The following FOCAD variants were observed in gnomAD, a reference collection of about 807,000 sequenced individuals.
The protein encoded by FOCAD is KIAA1797.
In FOCAD, 198 loss-of-function variants were observed where a neutral mutation model predicts 225.6. That is an observed-to-expected ratio of 0.88 (90% CI 0.78 to 0.99). The LOEUF is 0.99. Among genes scored for constraint, FOCAD ranks in the 50% least tolerant of loss-of-function variants. FOCAD has a pLI of 0.00. For missense variants in FOCAD, 2,713 were observed against 2,123.6 expected, an observed-to-expected ratio of 1.28 and a Z score of -5.46; for synonymous variants, 897 against 755.0, an observed-to-expected ratio of 1.19 and a Z score of -3.08.
intron 4 of FOCAD, chr9:20,726,380 A>G (rs2131582354): frequency 6.6e-6 from 1 of 152,288 alleles, no homozygotes; most frequent in South Asian, 2.1e-4. Context: ...GTGTCATGAC[A>G]GCCTGTAATT....
At chr9:20,864,776 C>T (rs946940737) in intron 16 of FOCAD, among the ~76,000 whole-genome samples, 1 of 152,068 alleles carries the variant, frequency 6.6e-6, no homozygotes, top group Admixed American at 6.6e-5. Flanking sequence ...TAAAACTGCG[C>T]TAGGTCTTAG....
chr9:20,805,896 C>T (rs984789720), intron 11 of FOCAD, among the ~76,000 whole-genome samples: 7 of 152,138 alleles, frequency 4.6e-5, no homozygotes, highest in African/African-American at 1.4e-4. Flanking sequence ...GAGGCTTGAC[C>T]TAGCTGCTGC....
chr9:20,932,421 C>A (rs1228985263), intron 27 of FOCAD, among the ~76,000 whole-genome samples: 1 of 152,068 alleles, frequency 6.6e-6, no homozygotes, highest in African/African-American at 2.4e-5. Context: ...ACCATAGAAC[C>A]TTTTAAGTTT....
intron 11 of FOCAD, among the ~76,000 whole-genome samples, chr9:20,794,409 T>G (rs1820848563): frequency 6.6e-6 from 1 of 152,160 alleles, no homozygotes; most frequent in Admixed American, 6.5e-5. Flanking sequence ...TTTCATAATA[T>G]AGAGCAAAAA....
chr9:20,831,325 C>A (rs1012785615), intron 15 of FOCAD, among the ~76,000 whole-genome samples: 1 of 152,074 alleles, frequency 6.6e-6, no homozygotes, highest in Non-Finnish European at 1.5e-5. Context: ...ATTGGCACAG[C>A]TTCTCTTTCA....
Position 20,924,955 on chromosome 9 carries a change from T to A in FOCAD, c.2961+1187T>A, listed in dbSNP as rs567368162. 2.0e-5 allele frequency among the ~76,000 whole-genome samples: 3 copies of A among 152,264 alleles called. No individual in the cohort carries two copies. In the South Asian group the frequency reaches 6.2e-4, roughly 32 times the overall value. On this transcript the variant is annotated intron_variant, in intron 25 of 43. Coordinates refer to ENST00000338382, the MANE Select transcript of FOCAD (RefSeq NM_001375567.1). ...CCTTGGACAGTGTAGGACAGCTAGT[T>A]TGATTGAGCATTTAACTAACCTTCA...
chr9:20,723,295 C>T (rs1825932172), intron 4 of FOCAD, among the ~76,000 whole-genome samples: 1 of 152,220 alleles, frequency 6.6e-6, no homozygotes, highest in Non-Finnish European at 1.5e-5. Context: ...CGAGACCAGC[C>T]TGGCCAACAT....
chr9:20,810,243 T>C (rs543140137), intron 11 of FOCAD, among the ~76,000 whole-genome samples: 17 of 152,254 alleles, frequency 1.1e-4, no homozygotes, highest in African/African-American at 3.8e-4. Context: ...AAATCTGCTA[T>C]TTTATTAAAC....
intron 10 of FOCAD, among the ~76,000 whole-genome samples, chr9:20,783,791 T>G (rs2131126569): frequency 6.6e-6 from 1 of 152,300 alleles, no homozygotes; most frequent in South Asian, 2.1e-4. Context: ...CTCCTTGTTC[T>G]CCTCCACTCC....
intron 10 of FOCAD, chr9:20,786,968 A>C: frequency 2.1e-6 from 1 of 477,164 alleles, no homozygotes; most frequent in East Asian, 6.3e-5. Context: ...TGGGGCCAGG[A>C]TTTGGTAGCT....
At chr9:20,686,314 A>C (rs987489679) in intron 1 of FOCAD, among the ~76,000 whole-genome samples, 2 of 151,826 alleles carry the variant, frequency 1.3e-5, no homozygotes, top group Non-Finnish European at 2.9e-5. Flanking sequence ...ATGCCACCAC[A>C]CCCAGCTAAT....
At chr9:20,782,192 G>A (rs562627481) in intron 10 of FOCAD, among the ~76,000 whole-genome samples, 1 of 152,238 alleles carries the variant, frequency 6.6e-6, no homozygotes, top group East Asian at 1.9e-4. Flanking sequence ...ATCCTGAAGA[G>A]TTCTTCAGAA....
intron 39 of FOCAD, among the ~76,000 whole-genome samples, chr9:20,984,501 A>T (rs1463935959): frequency 6.6e-6 from 1 of 152,238 alleles, no homozygotes; most frequent in Non-Finnish European, 1.5e-5. Flanking sequence ...GAAACCCATT[A>T]TATATGAACA....
At chr9:20,680,438 G>C (rs543449232), upstream of FOCAD, among the ~76,000 whole-genome samples, 3 of 152,092 alleles carry the variant, frequency 2.0e-5, no homozygotes, top group Non-Finnish European at 4.4e-5. Context: ...CACGCCTGTA[G>C]TCCCAGCTAC....
At chr9:20,715,527 T>G (rs1825262133) in intron 2 of FOCAD, 117 bp downstream of exon 2, 1 of 421,138 alleles carries the variant, frequency 2.4e-6, no homozygotes, top group Admixed American at 4.6e-5. Context: ...AGATTTATAT[T>G]TTGTGAAACA....
intron 9 of FOCAD, among the ~76,000 whole-genome samples, chr9:20,781,110 T>G (rs1819317203): frequency 6.6e-6 from 1 of 152,258 alleles, no homozygotes; most frequent in African/African-American, 2.4e-5. Context: ...CTTAACTCAT[T>G]CAGTTAATAG....
At chr9:20,668,154 G>C (rs1022283578) in intron 2 of FOCAD, among the ~76,000 whole-genome samples, 1 of 152,164 alleles carries the variant, frequency 6.6e-6, no homozygotes, top group Non-Finnish European at 1.5e-5. Flanking sequence ...ATTTTTAAGA[G>C]TGAAGTGTGA....
intron 2 of FOCAD, among the ~76,000 whole-genome samples, chr9:20,659,440 A>AAGAAAGAC (rs71334544): frequency 2.1e-4 from 30 of 145,070 alleles, no homozygotes; most frequent in African/African-American, 5.4e-4. Context: ...GAAAGAAAGA[A>AAGAAAGAC]AGACAGACAG....
intron 1 of FOCAD, among the ~76,000 whole-genome samples, chr9:20,695,512 G>GT: frequency 6.6e-6 from 1 of 152,172 alleles, no homozygotes; most frequent in South Asian, 2.1e-4. Flanking sequence ...AATACAATCA[G>GT]TTTTTTCCCT....
Sources: gnomAD v4.1 joint callset for allele counts (sites outside exome capture counted in the v4.1 genomes callset) on GRCh38, gnomAD v4.1.1 for gene constraint, MANE v1.5 for transcripts, NCBI Gene and HGNC (gene_info 2026-07-23, HGNC 2026-07-21) for gene names.